LOC128462377: variants seen among roughly 807,000 people sequenced by gnomAD.
the LOC128462377 span, chr16:89,325,129 CAA>C: frequency 6.5e-6 from 1 of 153,090 alleles, no homozygotes; most frequent in Admixed American, 6.5e-5. Context: ...TGCACAGACA[CAA>C]GAGACACGCG....
the LOC128462377 span, among the ~76,000 whole-genome samples, chr16:89,379,196 G>A: frequency 2.6e-5 from 4 of 152,254 alleles, no homozygotes; most frequent in African/African-American, 4.8e-5. Context: ...GCTGGCAGCC[G>A]GCGGGCTAGA....
At chr16:89,415,508 C>T in the LOC128462377 span, among the ~76,000 whole-genome samples, 9 of 151,364 alleles carry the variant, frequency 5.9e-5, no homozygotes, top group Non-Finnish European at 2.9e-5. Flanking sequence ...TCATGATCCA[C>T]CCGCCTCGGC....
At chr16:89,415,841 A>AAAAAAAAAAAAAAAAAAAAAAAC in the LOC128462377 span, among the ~76,000 whole-genome samples, 5 of 144,794 alleles carry the variant, frequency 3.5e-5, no homozygotes, top group Non-Finnish European at 7.6e-5. Context: ...AAAAAAAAAA[A>AAAAAAAAAAAAAAAAAAAAAAAC]AAAAAAAAAC....
the LOC128462377 span, among the ~76,000 whole-genome samples, chr16:89,406,719 C>T: frequency 6.6e-6 from 1 of 152,152 alleles, no homozygotes; most frequent in African/African-American, 2.4e-5. Context: ...AGAAGATGGA[C>T]CTCAGTGCCT....
the LOC128462377 span, among the ~76,000 whole-genome samples, chr16:89,349,774 T>TATGA: frequency 6.6e-6 from 1 of 151,832 alleles, no homozygotes; most frequent in Non-Finnish European, 1.5e-5. Flanking sequence ...AAGACAAAAC[T>TATGA]ATGAAGTTGG....
the LOC128462377 span, among the ~76,000 whole-genome samples, chr16:89,355,587 A>G: frequency 7.9e-5 from 12 of 152,286 alleles, no homozygotes; most frequent in African/African-American, 2.9e-4. Context: ...GAGTATCACA[A>G]CCAACTCAAA....
At chr16:89,348,885 A>G in the LOC128462377 span, among the ~76,000 whole-genome samples, 1 of 151,224 alleles carries the variant, frequency 6.6e-6, no homozygotes, top group African/African-American at 2.4e-5. Flanking sequence ...AAAAAAAAAA[A>G]AAAACACCCA....
At chr16:89,389,557 T>C in the LOC128462377 span, among the ~76,000 whole-genome samples, 1 of 152,078 alleles carries the variant, frequency 6.6e-6, no homozygotes. Flanking sequence ...GACACTGGAA[T>C]GAACCTCTAG....
chr16:89,357,573 C>T, the LOC128462377 span, among the ~76,000 whole-genome samples: 7 of 152,214 alleles, frequency 4.6e-5, no homozygotes, highest in African/African-American at 9.6e-5. Context: ...TGTACTTCGA[C>T]GTTCACAGTT....
At chr16:89,346,111 T>TGCCGGGCGC in the LOC128462377 span, among the ~76,000 whole-genome samples, 3 of 150,192 alleles carry the variant, frequency 2.0e-5, no homozygotes, top group African/African-American at 4.9e-5. Flanking sequence ...TAGCCGGGCG[T>TGCCGGGCGC]GGTGCCGGGC....
chr16:89,393,220 T>A, the LOC128462377 span, among the ~76,000 whole-genome samples: 2 of 152,096 alleles, frequency 1.3e-5, no homozygotes, highest in African/African-American at 4.8e-5. Context: ...ATTCACCTGT[T>A]CCCACAGGTG....
chr16:89,341,281 T>C, the LOC128462377 span, among the ~76,000 whole-genome samples: 1 of 152,228 alleles, frequency 6.6e-6, no homozygotes, highest in Admixed American at 6.5e-5. Flanking sequence ...CATTTCTCTC[T>C]GCATTAAATA....
At chr16:89,373,138 T>G in the LOC128462377 span, 1 of 152,230 alleles carries the variant, frequency 6.6e-6, no homozygotes, top group Non-Finnish European at 1.5e-5. Context: ...GGATGCCCTG[T>G]GGGAATGACA....
the LOC128462377 span, among the ~76,000 whole-genome samples, chr16:89,350,410 C>G: frequency 6.6e-6 from 1 of 152,136 alleles, no homozygotes; most frequent in African/African-American, 2.4e-5. Flanking sequence ...AACTAGGAAA[C>G]AACGGACATG....
chr16:89,376,311 G>T, the LOC128462377 span, among the ~76,000 whole-genome samples: 2 of 152,210 alleles, frequency 1.3e-5, no homozygotes, highest in Admixed American at 1.3e-4. Context: ...GACAGTTTTA[G>T]AACGTTTGGC....
the LOC128462377 span, among the ~76,000 whole-genome samples, chr16:89,349,107 G>C: frequency 8.9e-5 from 5 of 56,266 alleles, no homozygotes; most frequent in Non-Finnish European, 1.3e-4. Flanking sequence ...TAGCCTGGGG[G>C]ACAGAGTAAA....
the LOC128462377 span, among the ~76,000 whole-genome samples, chr16:89,403,342 A>T: frequency 6.6e-6 from 1 of 152,154 alleles, no homozygotes. Context: ...GACTGGCCCC[A>T]GCACCGCGTG....
At chr16:89,397,007 T>G in the LOC128462377 span, among the ~76,000 whole-genome samples, 3,784 of 151,962 alleles carry the variant, frequency 0.025, 164 homozygotes, top group African/African-American at 0.087. Flanking sequence ...TAATTTTTTA[T>G]ACTGGAAAAT....
the LOC128462377 span, among the ~76,000 whole-genome samples, chr16:89,409,780 G>C: frequency 6.6e-6 from 1 of 152,098 alleles, no homozygotes; most frequent in Non-Finnish European, 1.5e-5. Context: ...AACAAAATCT[G>C]ATCACATCTA....
Sources: allele counts gnomAD v4.1 joint callset (sites outside exome capture counted in the v4.1 genomes callset), GRCh38; gene constraint gnomAD v4.1.1; transcripts MANE v1.5.